Variants in CBFB observed in about 807,000 individuals in gnomAD.
CBFB encodes core-binding factor subunit beta, also known as CBF-beta.
Under a neutral mutation model 30.4 loss-of-function variants are expected in CBFB, and 9 were observed. The observed-to-expected ratio is 0.30, with a 90% CI of 0.18 to 0.52. The LOEUF (loss-of-function observed/expected upper bound fraction) is 0.52, where lower values mean the gene tolerates loss of function less well. CBFB is among the 20% of genes least tolerant of loss of function. The pLI is 0.97. For missense variants in CBFB, 170 were observed against 244.0 expected, an observed-to-expected ratio of 0.70 and a Z score of 2.02; for synonymous variants, 94 against 84.0, an observed-to-expected ratio of 1.12 and a Z score of -0.65.
intron 5 of CBFB, among the ~76,000 whole-genome samples, chr16:67,084,452 A>G (rs969855234): frequency 3.9e-5 from 6 of 152,148 alleles, no homozygotes; most frequent in South Asian, 2.1e-4. Context: ...TTCATGTCCT[A>G]TATACTTTTG....
intron 2 of CBFB, among the ~76,000 whole-genome samples, chr16:67,032,835 C>T (rs906314924): frequency 6.6e-6 from 1 of 152,212 alleles, no homozygotes; most frequent in Non-Finnish European, 1.5e-5. Context: ...AACCTTTCTC[C>T]TGCCCCAGTT....
intron 3 of CBFB, among the ~76,000 whole-genome samples, chr16:67,054,113 C>G (rs999050565): frequency 6.6e-6 from 1 of 152,082 alleles, no homozygotes; most frequent in Non-Finnish European, 1.5e-5. Context: ...TGTTCATCCT[C>G]TGCTGTGAGG....
chr16:67,086,925 T>C (rs989258242), intron 5 of CBFB, among the ~76,000 whole-genome samples: 1 of 152,090 alleles, frequency 6.6e-6, no homozygotes. Flanking sequence ...TGCCTCTGCT[T>C]GGGAAATTCA....
chr16:67,043,936 C>T (rs1050234146), intron 3 of CBFB, among the ~76,000 whole-genome samples: 2 of 152,278 alleles, frequency 1.3e-5, no homozygotes, highest in African/African-American at 4.8e-5. Context: ...CAAACACTGG[C>T]AGCCAAAATG....
intron 2 of CBFB, among the ~76,000 whole-genome samples, chr16:67,033,169 C>T (rs1003272428): frequency 6.6e-6 from 1 of 152,096 alleles, no homozygotes. Context: ...GCCACCACTC[C>T]CAGCCTCATT....
At chr16:67,066,914 G>A in intron 4 of CBFB, 116 bp downstream of exon 4, 1 of 568,010 alleles carries the variant, frequency 1.8e-6, no homozygotes, top group East Asian at 3.0e-5. Flanking sequence ...TTGTGTTGAA[G>A]CAATATTGAG....
At chr16:67,083,741 ATG>A (rs1327537791) in intron 5 of CBFB, among the ~76,000 whole-genome samples, 1 of 152,044 alleles carries the variant, frequency 6.6e-6, no homozygotes. Flanking sequence ...CTGAATTTTG[ATG>A]TGTCTTTTAA....
At chr16:67,032,138 ATAT>A (rs569016712) in intron 2 of CBFB, among the ~76,000 whole-genome samples, 174 of 152,274 alleles carry the variant, frequency 1.1e-3, no homozygotes, top group African/African-American at 3.9e-3. Context: ...AAATGCTGTA[ATAT>A]TATAGTAGTA....
chr16:67,058,691 G>C (rs1038658022), intron 3 of CBFB, among the ~76,000 whole-genome samples: 1 of 152,150 alleles, frequency 6.6e-6, no homozygotes, highest in Non-Finnish European at 1.5e-5. Flanking sequence ...CTAGATTCTA[G>C]CTGTTTTCTG....
intron 5 of CBFB, among the ~76,000 whole-genome samples, chr16:67,089,062 A>T (rs1250011415): frequency 6.6e-6 from 1 of 151,890 alleles, no homozygotes; most frequent in African/African-American, 2.4e-5. Context: ...TCTTTTTCTC[A>T]TTTTTCTGGA....
At chr16:67,042,045 C>A (rs1027797947) in intron 3 of CBFB, among the ~76,000 whole-genome samples, 2 of 151,832 alleles carry the variant, frequency 1.3e-5, no homozygotes, top group Non-Finnish European at 2.9e-5. Flanking sequence ...GTAGCTGGGA[C>A]CACAGCATCT....
intron 3 of CBFB, among the ~76,000 whole-genome samples, chr16:67,065,168 G>A (rs1000675155): frequency 3.9e-5 from 6 of 152,164 alleles, no homozygotes; most frequent in Non-Finnish European, 7.3e-5. Flanking sequence ...CAAAGTGCCG[G>A]GATTACAGGC....
chr16:67,042,479 G>A (rs1323168705), intron 3 of CBFB, among the ~76,000 whole-genome samples: 1 of 152,168 alleles, frequency 6.6e-6, no homozygotes, highest in African/African-American at 2.4e-5. Flanking sequence ...CACCCATGTA[G>A]ATGCTACCAC....
chr16:67,077,266 G>A (rs1038181655), intron 4 of CBFB, among the ~76,000 whole-genome samples: 1 of 152,072 alleles, frequency 6.6e-6, no homozygotes, highest in African/African-American at 2.4e-5. Flanking sequence ...TTCCATGATT[G>A]GATTAGAAAA....
At chr16:67,071,762 T>C (rs901753287) in intron 4 of CBFB, among the ~76,000 whole-genome samples, 4 of 152,212 alleles carry the variant, frequency 2.6e-5, no homozygotes, top group Non-Finnish European at 4.4e-5. Flanking sequence ...GCACAGTATC[T>C]AGCGTGCAGT....
chr16:67,073,843 C>T (rs922688390), intron 4 of CBFB, among the ~76,000 whole-genome samples: 1 of 151,740 alleles, frequency 6.6e-6, no homozygotes, highest in African/African-American at 2.4e-5. Context: ...CGAGACCAGC[C>T]TGGCCAACAT....
chr16:67,072,785 T>G (rs1961264932), intron 4 of CBFB, among the ~76,000 whole-genome samples: 1 of 151,998 alleles, frequency 6.6e-6, no homozygotes, highest in African/African-American at 2.4e-5. Context: ...TTTTTTTTTT[T>G]TTAGCGACAG....
intron 5 of CBFB, among the ~76,000 whole-genome samples, chr16:67,088,875 G>A (rs1452261392): frequency 6.6e-6 from 1 of 152,174 alleles, no homozygotes; most frequent in Non-Finnish European, 1.5e-5. Context: ...CTATGTGTAA[G>A]GTTAAGATTA....
At position 67,055,357 on chromosome 16, in the gene CBFB, C is replaced by CTTTTTT. The variant is rs1163773529; in HGVS notation, c.283-11303_283-11298dup. Among the ~76,000 whole-genome samples, 480 of 81,458 alleles carry CTTTTTT rather than the reference C, an allele frequency of 5.9e-3. 44 individuals are homozygous for CTTTTTT. The highest frequency in any genetic ancestry group is 0.012 in the South Asian group (28 of 2,278). The allele number at this position is 81,458 out of a possible 152,430, so 53.4% of individuals were successfully genotyped here. Reference sequence around the variant, plus strand: ...AAATCTATTGAATTCCAGACACTTTCTTTTTTTTTTTTTTTTTTTTTTTTT... The same window carrying CTTTTTT: ...AAATCTATTGAATTCCAGACACTTTCTTTTTTTTTTTTTTTTTTTTTTTTTTTTTTT... On this transcript the variant is annotated intron_variant, in intron 3 of 5. Transcript: ENST00000412916.
Sources: gnomAD v4.1 joint callset for allele counts (sites outside exome capture counted in the v4.1 genomes callset) on GRCh38, gnomAD v4.1.1 for gene constraint, MANE v1.5 for transcripts, NCBI Gene and HGNC (gene_info 2026-07-23, HGNC 2026-07-21) for gene names.